DDX60: variants seen among roughly 807,000 people sequenced by gnomAD.
DDX60 encodes the protein DExD/H-box helicase 60, also known as probable ATP-dependent RNA helicase DDX60.
In DDX60, 165 loss-of-function variants were observed where a neutral mutation model predicts 212.8. The observed-to-expected ratio is 0.78, with a 90% CI of 0.68 to 0.88. The LOEUF is 0.88. Among genes scored for constraint, DDX60 ranks in the 40% least tolerant of loss-of-function variants. DDX60 has a pLI of 0.00. For missense variants in DDX60, 1,905 were observed against 2,003.9 expected, an observed-to-expected ratio of 0.95 and a Z score of 0.94; for synonymous variants, 703 against 685.3, an observed-to-expected ratio of 1.03 and a Z score of -0.40.
intron 1 of DDX60, among the ~76,000 whole-genome samples, chr4:168,313,241 T>C (rs1192873022): frequency 3.3e-5 from 5 of 152,180 alleles, no homozygotes; most frequent in Admixed American, 3.3e-4. Flanking sequence ...TGAAGACTTA[T>C]GAAAGCATGT....
At position 168,250,348 on chromosome 4, in the gene DDX60, C is replaced by A. The variant is rs1734172590; in HGVS notation, c.3858+606G>T. On this transcript the variant is annotated intron_variant, in intron 28 of 37. Coordinates refer to ENST00000393743, the MANE Select transcript of DDX60 (RefSeq NM_017631.6). ...CCTAAGGTCAGGAGTTCGAGACCAG[C>A]CTGACCAGCATGGAGAAACCCCATC... Among the ~76,000 whole-genome samples, 5 of 152,010 alleles carry A rather than the reference C, an allele frequency of 3.3e-5. No individual in the cohort carries two copies. In the South Asian group the frequency reaches 8.3e-4, roughly 25 times the overall value.
chr4:168,291,257 C>G (rs1040093059), intron 8 of DDX60, among the ~76,000 whole-genome samples: 14 of 152,012 alleles, frequency 9.2e-5, no homozygotes, highest in African/African-American at 3.1e-4. Context: ...AAAATCTATG[C>G]ATTTAAAATA....
Position 168,280,578 on chromosome 4 carries a change from C to T in DDX60, c.1735G>A (p.Glu579Lys). ...TTCTTATTCTCTCTAGCAATTATTT[C>T]AGCCTTGGTCTCCTGCCCCAAAGGA... ...KSKKAHETKA[E>K]IIARENKKRL... Residue 579 changes from glutamate (E) to lysine (K), a missense_variant, in exon 14 of 38, where the codon GAA becomes AAA. Glu to Lys is a moderately conservative substitution (Grantham distance 56, BLOSUM62 1). Transcript: ENST00000393743. The T allele has an allele frequency of 6.2e-7, 1 of 1,608,700 alleles. No homozygotes were observed.
intron 6 of DDX60, among the ~76,000 whole-genome samples, chr4:168,298,998 TA>T (rs1338940433): frequency 6.6e-6 from 1 of 151,644 alleles, no homozygotes; most frequent in Non-Finnish European, 1.5e-5. Flanking sequence ...CCGTCTCTAC[TA>T]AAAATACAAA....
intron 22 of DDX60, among the ~76,000 whole-genome samples, chr4:168,266,247 G>C (rs182426450): frequency 5.9e-5 from 9 of 152,290 alleles, no homozygotes; most frequent in African/African-American, 2.2e-4. Flanking sequence ...TGTTGTAATG[G>C]TTAAAAGAGG....
Position 168,221,629 on chromosome 4 carries a change from T to G in DDX60, c.4976+101A>C, listed in dbSNP as rs1733053278. The G allele has an allele frequency of 2.3e-6, 3 of 1,316,082 alleles. No individual in the cohort carries two copies. The African/African-American group carries it at 4.4e-5, about 19-fold the overall frequency. 81.5% of individuals were successfully genotyped at this position (1,316,082 alleles called of 1,614,324 possible). A position where few individuals can be genotyped will look rare whatever the true frequency, so the allele number is the denominator to read the frequency against. On this transcript the variant is annotated intron_variant, in intron 36 of 37. Transcript: ENST00000393743. The stretch of plus-strand genomic sequence containing the variant: ...ATGTTTAGTATGATTTAACCTGCAC[T>G]TGAAACTGTAATGAGGTTTCTTCCT...
intron 10 of DDX60, among the ~76,000 whole-genome samples, chr4:168,285,969 T>TGAAAGAAAGAAAGAAA (rs149956197): frequency 1.1e-4 from 12 of 110,910 alleles, no homozygotes; most frequent in African/African-American, 2.3e-4. Context: ...AAGGAAAGAA[T>TGAAAGAAAGAAAGAAA]GAAAGAAAGA....
chr4:168,224,395 A>G lies in DDX60; in HGVS notation c.4682-10T>C, dbSNP rs1427435884. 9 of 1,610,020 alleles carry G rather than the reference A, an allele frequency of 5.6e-6. No individual in the cohort carries two copies. The Admixed American group carries it at 1.2e-4, about 21-fold the overall frequency. On this transcript the variant is annotated splice_polypyrimidine_tract_variant and intron_variant, in intron 34 of 37. Coordinates refer to ENST00000393743, the MANE Select transcript of DDX60 (RefSeq NM_017631.6). ...TCTTTACCTGTGAATTCTGACAATA[A>G]TAGTTAGGGATAGATTAGTGTTTTG... is the stretch of plus-strand genomic sequence containing the variant.
chr4:168,235,432 T>A (rs117846733), intron 33 of DDX60, among the ~76,000 whole-genome samples: 1 of 152,064 alleles, frequency 6.6e-6, no homozygotes, highest in Non-Finnish European at 1.5e-5. Context: ...CTATGTTAAA[T>A]ATAAATTTAT....
At chr4:168,290,833 A>T (rs1044297217) in intron 8 of DDX60, among the ~76,000 whole-genome samples, 10 of 152,028 alleles carry the variant, frequency 6.6e-5, no homozygotes, top group Admixed American at 4.6e-4. Context: ...ATATGTTTTT[A>T]TTTTTCTCAC....
chr4:168,323,405 G>A (rs193203589), upstream of DDX60, among the ~76,000 whole-genome samples: 1 of 152,192 alleles, frequency 6.6e-6, no homozygotes, highest in Non-Finnish European at 1.5e-5. Context: ...GCATGTAGCA[G>A]TGGTGACACC....
chr4:168,313,677 GTTAA>G (rs1553975700), intron 1 of DDX60, among the ~76,000 whole-genome samples: 1 of 152,148 alleles, frequency 6.6e-6, no homozygotes, highest in Non-Finnish European at 1.5e-5. Flanking sequence ...GATGAAATAA[GTTAA>G]TTTACAGGTT....
At chr4:168,298,852 A>T (rs190945714) in intron 6 of DDX60, among the ~76,000 whole-genome samples, 2 of 152,120 alleles carry the variant, frequency 1.3e-5, no homozygotes, top group African/African-American at 4.8e-5. Context: ...TAGTGGAAAA[A>T]AAAAAGAAAT....
Position 168,261,983 on chromosome 4 carries a change from A to G in DDX60, c.3273+17T>C, listed in dbSNP as rs1314975918. 1.3e-6 allele frequency: 2 copies of G among 1,577,966 alleles called. No individual in the cohort carries two copies. ...ACAACAAAAATAAAGTTTGGCCAAA[A>G]AGCGTATGAAAATTACCTGCTCTAC... On this transcript the variant is annotated intron_variant, in intron 24 of 37. Transcript: ENST00000393743.
At chr4:168,283,199 T>C (rs1387691010) in intron 13 of DDX60, among the ~76,000 whole-genome samples, 7 of 152,164 alleles carry the variant, frequency 4.6e-5, no homozygotes, top group African/African-American at 7.2e-5. Flanking sequence ...CTCAAAACTT[T>C]AGTCACTTAA....
In DDX60 at chr4:168,297,357, A is replaced by G. The variant is rs891928153; in HGVS notation, c.724-3412T>C. Among the ~76,000 whole-genome samples the G allele has an allele frequency of 6.6e-4, 47 of 71,158 alleles. 3 individuals are homozygous for G. The highest frequency in any genetic ancestry group is 2.1e-3 in the African/African-American group (20 of 9,460). The allele number at this position is 71,158 out of a possible 152,430, so 46.7% of individuals were successfully genotyped here. On this transcript the variant is annotated intron_variant, in intron 6 of 37. Coordinates refer to ENST00000393743, the MANE Select transcript of DDX60 (RefSeq NM_017631.6). ...AAGAAAGAAAGAAAGAAAGAAAGAA[A>G]GAAAGAAAGAAAGAAAGAAAGAAAG... is the stretch of plus-strand genomic sequence containing the variant.
At chr4:168,317,633 A>C (rs1173885093) in intron 1 of DDX60, among the ~76,000 whole-genome samples, 1 of 152,100 alleles carries the variant, frequency 6.6e-6, no homozygotes, top group Non-Finnish European at 1.5e-5. Context: ...TCTCCCCTTG[A>C]GTGTGGACAG....
At chr4:168,298,197 G>A (rs1220500629) in intron 6 of DDX60, among the ~76,000 whole-genome samples, 14 of 151,992 alleles carry the variant, frequency 9.2e-5, no homozygotes, top group Middle Eastern at 3.4e-3. Context: ...TACACATATC[G>A]TAAAGAAACT....
At chr4:168,299,773 C>T (rs527740009) in intron 6 of DDX60, among the ~76,000 whole-genome samples, 21 of 152,188 alleles carry the variant, frequency 1.4e-4, no homozygotes, top group African/African-American at 4.8e-4. Context: ...CCAAAGAAGT[C>T]AATTGCCATG....
Sources: gnomAD v4.1 joint callset for allele counts (sites outside exome capture counted in the v4.1 genomes callset) on GRCh38, gnomAD v4.1.1 for gene constraint, MANE v1.5 for transcripts, NCBI Gene and HGNC (gene_info 2026-07-23, HGNC 2026-07-21) for gene names.